Variants in ALG9 observed in about 807,000 individuals in gnomAD.
The protein encoded by ALG9 is alpha-1,2-mannosyltransferase ALG9.
A neutral mutation model predicts 81.8 loss-of-function variants in ALG9; 55 were observed. The ratio of observed to expected loss-of-function variants is 0.67; its 90% CI spans 0.54 to 0.84. The LOEUF (loss-of-function observed/expected upper bound fraction) is 0.84, where lower values mean the gene tolerates loss of function less well. Ranked by LOEUF, ALG9 falls within the 40% of genes least tolerant of loss-of-function variation. The pLI is 0.00. For missense variants in ALG9, 629 were observed against 745.0 expected (o/e 0.84, Z 1.81); for synonymous variants, 278 against 274.3 (o/e 1.01, Z -0.13).
At chr11:111,833,219 G>C (rs1047021023) in intron 13 of ALG9, among the ~76,000 whole-genome samples, 27 of 152,058 alleles carry the variant, frequency 1.8e-4, no homozygotes, top group Non-Finnish European at 2.5e-4. Flanking sequence ...CATTCACCTT[G>C]AAATAGTGAA....
chr11:111,826,318 C>T (rs906426112), intron 13 of ALG9, among the ~76,000 whole-genome samples: 10 of 149,556 alleles, frequency 6.7e-5, no homozygotes, highest in Non-Finnish European at 7.4e-5. Flanking sequence ...TCAGGGAGGT[C>T]GAGGCTGCAG....
At chr11:111,868,239 A>C (rs1422277196) in intron 3 of ALG9, among the ~76,000 whole-genome samples, 1 of 152,148 alleles carries the variant, frequency 6.6e-6, no homozygotes, top group Non-Finnish European at 1.5e-5. Context: ...TTAACATCTA[A>C]TTATTTCTCA....
chr11:111,805,157 A>T, intron 14 of ALG9: 2 of 420,356 alleles, frequency 4.8e-6, no homozygotes, highest in Non-Finnish European at 9.5e-6. Flanking sequence ...TGGAGCACTC[A>T]ACAATGGGAT....
intron 9 of ALG9, among the ~76,000 whole-genome samples, chr11:111,841,515 T>G (rs1200686720): frequency 6.6e-6 from 1 of 152,228 alleles, no homozygotes; most frequent in East Asian, 1.9e-4. Context: ...AAGAACCTGC[T>G]GGAAAGTTCC....
At chr11:111,834,072 C>T (rs782246808) in intron 13 of ALG9, among the ~76,000 whole-genome samples, 5 of 152,194 alleles carry the variant, frequency 3.3e-5, no homozygotes, top group Admixed American at 6.5e-5. Context: ...AAAGTGCAGT[C>T]ATTCTCTTCA....
intron 9 of ALG9, among the ~76,000 whole-genome samples, chr11:111,842,589 T>A (rs1956386763): frequency 6.6e-6 from 1 of 151,828 alleles, no homozygotes; most frequent in Non-Finnish European, 1.5e-5. Context: ...GCCCGGTTAA[T>A]TTTTTAATTT....
chr11:111,854,438 G>A (rs1246209731), intron 6 of ALG9, among the ~76,000 whole-genome samples: 3 of 151,626 alleles, frequency 2.0e-5, no homozygotes, highest in Non-Finnish European at 2.9e-5. Context: ...CCCGCTAATT[G>A]TTTTGTATTT....
intron 13 of ALG9, among the ~76,000 whole-genome samples, chr11:111,816,661 A>G (rs1280281453): frequency 6.6e-6 from 1 of 152,130 alleles, no homozygotes; most frequent in East Asian, 1.9e-4. Context: ...AGCTCAAGTG[A>G]TCTTCCCAGC....
chr11:111,839,618 A>C (rs1555121689), intron 10 of ALG9, among the ~76,000 whole-genome samples: 4 of 149,186 alleles, frequency 2.7e-5, no homozygotes, highest in Non-Finnish European at 5.9e-5. Flanking sequence ...GGGGGATATA[A>C]AGTTACATGT....
chr11:111,803,292 A>C (rs1458744278), intron 14 of ALG9, among the ~76,000 whole-genome samples: 1 of 152,120 alleles, frequency 6.6e-6, no homozygotes, highest in Non-Finnish European at 1.5e-5. Flanking sequence ...ACTTGAGTTC[A>C]GGAGTTCGAG....
chr11:111,820,342 C>T (rs782669072), intron 13 of ALG9, among the ~76,000 whole-genome samples: 25 of 151,616 alleles, frequency 1.6e-4, no homozygotes, highest in South Asian at 2.1e-4. Flanking sequence ...ATCAAGGTGC[C>T]GGCGCCTGGT....
chr11:111,834,956 G>A (rs1398478726), intron 13 of ALG9, among the ~76,000 whole-genome samples: 1 of 152,186 alleles, frequency 6.6e-6, no homozygotes, highest in Non-Finnish European at 1.5e-5. Context: ...TCAAGGCTGT[G>A]TCTTTAAGTG....
chr11:111,789,718 G>A (rs61899416), intron 14 of ALG9, among the ~76,000 whole-genome samples: 2,014 of 151,664 alleles, frequency 0.013, 21 homozygotes, highest in Non-Finnish European at 0.023. Flanking sequence ...TACTCGGGAC[G>A]CTGAGGTAGG....
At chr11:111,825,570 C>T (rs573107303) in intron 13 of ALG9, among the ~76,000 whole-genome samples, 35 of 152,274 alleles carry the variant, frequency 2.3e-4, no homozygotes, top group Admixed American at 2.0e-3. Context: ...TCTTAATCAG[C>T]CTCTAAGACT....
intron 14 of ALG9, among the ~76,000 whole-genome samples, chr11:111,799,699 T>C (rs1172485695): frequency 1.3e-5 from 2 of 152,172 alleles, no homozygotes; most frequent in Non-Finnish European, 2.9e-5. Flanking sequence ...CGGGTCACAT[T>C]AAAGCAAGAT....
At chr11:111,806,829 A>C (rs1263090731) in intron 14 of ALG9, among the ~76,000 whole-genome samples, 1 of 152,132 alleles carries the variant, frequency 6.6e-6, no homozygotes, top group African/African-American at 2.4e-5. Flanking sequence ...AACAAAGCTT[A>C]TCTCTCACTC....
At chr11:111,868,971 AAGT>A (rs1325718736) in intron 2 of ALG9, among the ~76,000 whole-genome samples, 2 of 152,100 alleles carry the variant, frequency 1.3e-5, no homozygotes, top group African/African-American at 4.8e-5. Context: ...AAAAAAAAAA[AAGT>A]AGCATGGTAT....
chr11:111,809,900 G>A (rs782161254), intron 13 of ALG9, 127 bp from the exon 14 acceptor site: 9 of 1,079,492 alleles, frequency 8.3e-6, no homozygotes, highest in Non-Finnish European at 1.1e-5. Flanking sequence ...TTCAGACAAT[G>A]TTGCCTATGC....
At chr11:111,811,542 CAAAAA>C (rs11305937) in intron 13 of ALG9, among the ~76,000 whole-genome samples, 1 of 89,044 alleles carries the variant, frequency 1.1e-5, no homozygotes, top group Non-Finnish European at 2.3e-5. Context: ...GACTCTGTCT[CAAAAA>C]AAAAAAAAAA....
Sources: allele counts gnomAD v4.1 joint callset (sites outside exome capture counted in the v4.1 genomes callset), GRCh38; gene constraint gnomAD v4.1.1; transcripts MANE v1.5; gene names NCBI Gene and HGNC (gene_info 2026-07-23, HGNC 2026-07-21).